DISP2: variants seen among roughly 807,000 people sequenced by gnomAD.
DISP2 encodes dispatched RND transporter family member 2.
Under a neutral mutation model 95.5 loss-of-function variants are expected in DISP2, and 59 were observed. The observed-to-expected ratio is 0.62, with a 90% CI of 0.50 to 0.77. The LOEUF is 0.77. Ranked by LOEUF, DISP2 falls within the 30% of genes least tolerant of loss-of-function variation. The probability of loss-of-function intolerance (pLI) is 0.00; values close to 1 mark genes in which losing one functional copy is unlikely to be tolerated. For synonymous variants in DISP2, 827 were observed against 815.0 expected (o/e 1.01, Z -0.25); for missense variants, 1,752 against 1,854.6 (o/e 0.94, Z 1.02).
Position 40,367,195 on chromosome 15 carries a change from A to T in DISP2, c.1083A>T (p.Ala361=), listed in dbSNP as rs772798090. ...GCCTGGACACTACCCAAGCTGACGCAGCCCGCACACTGGCCCTGCTTCGGA... is the reference window on the plus strand; with the variant it reads ...GCCTGGACACTACCCAAGCTGACGCTGCCCGCACACTGGCCCTGCTTCGGA... ...SSCLDTTQAD[A]ARTLALLRTC... is the part of the protein sequence containing the mutation. Residue 361 remains alanine (A), a synonymous_variant, in exon 8 of 8, where the codon GCA becomes GCT. Coordinates refer to ENST00000267889, the MANE Select transcript of DISP2 (RefSeq NM_033510.3). 1.2e-6 allele frequency: 2 copies of T among 1,614,052 alleles called. No homozygotes were observed.
chr15:40,366,442 T>C (rs1438101257), intron 7 of DISP2, among the ~76,000 whole-genome samples: 1 of 152,228 alleles, frequency 6.6e-6, no homozygotes, highest in Non-Finnish European at 1.5e-5. Context: ...CAATAAGTAC[T>C]GTGTTGCCAC....
chr15:40,371,563 G>A lies in DISP2; in HGVS notation c.*1245G>A, dbSNP rs1192573710. 6.6e-6 allele frequency: 1 copy of A among 152,248 alleles called. No individual in the cohort carries two copies. Among genetic ancestry groups the A allele is most frequent in the African/African-American group, 2.4e-5 (1 of 41,442 alleles). The allele number at this position is 152,248 out of a possible 1,614,324, so 9.4% of individuals were successfully genotyped here. ...GTGAAGCCAAATCCAATCAAGGCAG[G>A]AACTCAGACCTGCCCTTTGGGAAGT... is the stretch of plus-strand genomic sequence containing the variant. On this transcript the variant is annotated 3_prime_UTR_variant, in exon 8 of 8. Transcript: ENST00000267889.
rs1406335796 is a variant in DISP2, at chr15:40,374,724, C to G, written c.*4406C>G. ...TCCCAGGTTCACGCCATTCTCCTGC[C>G]CCAGCCTCCCGAGCAGTTGGGACTA... On this transcript the variant is annotated 3_prime_UTR_variant, in exon 8 of 8. Coordinates refer to ENST00000267889, the MANE Select transcript of DISP2 (RefSeq NM_033510.3). 1 of 151,738 alleles carries G rather than the reference C, an allele frequency of 6.6e-6. No individual in the cohort carries two copies. Among genetic ancestry groups the G allele is most frequent in the Non-Finnish European group, 1.5e-5 (1 of 68,072 alleles). 9.4% of individuals were successfully genotyped at this position (151,738 alleles called of 1,614,324 possible). A position where few individuals can be genotyped will look rare whatever the true frequency, so the allele number is the denominator to read the frequency against.
At chr15:40,364,153 C>T in intron 2 of DISP2, 73 bp from the exon 3 acceptor site, 1 of 1,606,790 alleles carries the variant, frequency 6.2e-7, no homozygotes, top group South Asian at 1.1e-5. Context: ...CACTCCCACC[C>T]CACCTCCACC....
chr15:40,365,563 C>T (rs1398800323), intron 6 of DISP2, 65 bp from the exon 7 acceptor site: 52 of 1,565,798 alleles, frequency 3.3e-5, no homozygotes, highest in Admixed American at 5.0e-5. Context: ...TAAGCATCTT[C>T]CCTTTGGAGG....
At position 40,373,007 on chromosome 15, in the gene DISP2, T is replaced by C. The variant is rs1889670194; in HGVS notation, c.*2689T>C. On this transcript the variant is annotated 3_prime_UTR_variant, in exon 8 of 8. Coordinates refer to ENST00000267889, the MANE Select transcript of DISP2 (RefSeq NM_033510.3). ...CAGGCCCAGAAGAACCCAGCAGTAATCTAAAACATTACCTTATACCTAGAA... is the reference window on the plus strand; with the variant it reads ...CAGGCCCAGAAGAACCCAGCAGTAACCTAAAACATTACCTTATACCTAGAA... 1 of 152,158 alleles carries C rather than the reference T, an allele frequency of 6.6e-6. No homozygotes were observed. Among genetic ancestry groups the C allele is most frequent in the African/African-American group, 2.4e-5 (1 of 41,408 alleles). The allele number at this position is 152,158 out of a possible 1,614,324, so 9.4% of individuals were successfully genotyped here. A position where few individuals can be genotyped will look rare whatever the true frequency, so the allele number is the denominator to read the frequency against.
In DISP2 at chr15:40,363,734, T is replaced by C; in HGVS notation, c.229T>C (p.Ser77Pro). The C allele has an allele frequency of 6.2e-7, 1 of 1,613,450 alleles. No individual in the cohort carries two copies. Among genetic ancestry groups the C allele is most frequent in the Non-Finnish European group, 8.5e-7 (1 of 1,179,706 alleles). ...CTCTTCAGGACCCCCACCAACAACT[T>C]CCACCCTCCAGCCTGTGGGTCCATC... is the stretch of plus-strand genomic sequence containing the variant. Reference protein sequence around the residue: ...SSSSGPPPTTSTLQPVGPSSP... With the variant: ...SSSSGPPPTTPTLQPVGPSSP... The change falls in exon 2 of 8, where the codon TCC becomes CCC. Residue 77 changes from serine (S) to proline (P), a missense_variant. Coordinates refer to ENST00000267889, the MANE Select transcript of DISP2 (RefSeq NM_033510.3).
intron 1 of DISP2, among the ~76,000 whole-genome samples, chr15:40,360,831 C>G (rs1378838750): frequency 6.6e-6 from 1 of 152,168 alleles, no homozygotes; most frequent in African/African-American, 2.4e-5. Flanking sequence ...CCAGGCTGCC[C>G]CACTCTCCTG....
chr15:40,366,972 G>C, intron 7 of DISP2, 86 bp from the exon 8 acceptor site: 1 of 1,517,208 alleles, frequency 6.6e-7, no homozygotes, highest in Non-Finnish European at 8.9e-7. Flanking sequence ...TAGTGTGAAA[G>C]GAGATGAGAG....
Position 40,358,438 on chromosome 15 carries a change from C to T in DISP2, c.117C>T (p.Asp39=). 2.3e-6 allele frequency: 3 copies of T among 1,314,626 alleles called. No individual in the cohort carries two copies. Among genetic ancestry groups the T allele is most frequent in the East Asian group, 3.1e-5 (1 of 32,124 alleles). The allele number at this position is 1,314,626 out of a possible 1,614,324, so 81.4% of individuals were successfully genotyped here. A position where few individuals can be genotyped will look rare whatever the true frequency, so the allele number is the denominator to read the frequency against. Residue 39 remains aspartate, a splice_region_variant and synonymous_variant, in exon 1 of 8, where the codon GAC becomes GAT. Coordinates refer to ENST00000267889, the MANE Select transcript of DISP2 (RefSeq NM_033510.3). ...TGGCCCCAGACGGCGGCTCCCCGGA[C>T]AGGTAGGGCGGACAGCTCCGCAGAT... ...EPLAPDGGSP[D]STQTKAVPPE...
rs1889745444 is a variant in DISP2 at position 40,377,384 on chromosome 15, A to G, written c.*7066A>G. ...CCCTTTCCAGCCAAGATGGAGGAGC[A>G]GGGGCCAAGTTTATCCTCCTGCCTG... On this transcript the variant is annotated 3_prime_UTR_variant, in exon 8 of 8. Transcript: ENST00000267889. The G allele has an allele frequency of 6.6e-6, 1 of 152,224 alleles. No individual in the cohort carries two copies. The highest frequency in any genetic ancestry group is 1.5e-5 in the Non-Finnish European group (1 of 68,042). The allele number at this position is 152,224 out of a possible 1,614,324, so 9.4% of individuals were successfully genotyped here. A position where few individuals can be genotyped will look rare whatever the true frequency, so the allele number is the denominator to read the frequency against.
In DISP2 at chr15:40,369,429, T is replaced by A; in HGVS notation, c.3317T>A (p.Phe1106Tyr). ...KCVSCGFASFFFQSLCCFFGP... is the reference protein window; with the variant it reads ...KCVSCGFASFYFQSLCCFFGP... ...GTCAGTTGTGGCTTTGCCAGCTTCTTCTTCCAATCTCTCTGCTGTTTCTTC... is the reference window on the plus strand; with the variant it reads ...GTCAGTTGTGGCTTTGCCAGCTTCTACTTCCAATCTCTCTGCTGTTTCTTC... Residue 1106 changes from phenylalanine (F) to tyrosine (Y), a missense_variant, in exon 8 of 8, where the codon TTC becomes TAC. Phe to Tyr is a conservative substitution (Grantham distance 22). This residue lies in a region of DISP2 where 317 missense variants were observed against 394.9 expected (regional missense o/e 0.80). Transcript: ENST00000267889. 1.2e-6 allele frequency: 2 copies of A among 1,613,550 alleles called. No individual in the cohort carries two copies. Among genetic ancestry groups the A allele is most frequent in the Non-Finnish European group, 1.7e-6 (2 of 1,180,026 alleles).
Position 40,369,695 on chromosome 15 carries a change from G to T in DISP2, c.3583G>T (p.Asp1195Tyr). The change falls in exon 8 of 8, where the codon GAT becomes TAT. Residue 1195 changes from aspartate to tyrosine, a missense_variant. This residue lies in a region of DISP2 where 347 missense variants were observed against 344.2 expected (regional missense o/e 1.01). Transcript: ENST00000267889. The stretch of plus-strand genomic sequence containing the variant: ...CCACCGGCCCTCAGTACTCTCTGAG[G>T]ATCTGCAGCTCCATGATGGTCCGTG... The part of the protein sequence containing the change: ...LSHRPSVLSE[D>Y]LQLHDGPCCS... The T allele has an allele frequency of 6.2e-7, 1 of 1,611,912 alleles. No individual in the cohort carries two copies. Among genetic ancestry groups the T allele is most frequent in the Non-Finnish European group, 8.5e-7 (1 of 1,180,002 alleles).
rs757768095 is a variant in DISP2 at position 40,365,774 on chromosome 15, G to A, written c.945+49G>A. On this transcript the variant is annotated intron_variant, in intron 7 of 7. Coordinates refer to ENST00000267889, the MANE Select transcript of DISP2 (RefSeq NM_033510.3). ...GGGGTTTGGGGGGAACTAAGGACAT[G>A]AGGGAACTGATCCCAAGGAAATACA... 6 of 1,572,528 alleles carry A rather than the reference G, an allele frequency of 3.8e-6. No individual in the cohort carries two copies. The Admixed American group carries it at 6.7e-5, about 18-fold the overall frequency.
chr15:40,367,562 T>A lies in DISP2; in HGVS notation c.1450T>A (p.Phe484Ile). 2 of 1,613,906 alleles carry A rather than the reference T, an allele frequency of 1.2e-6. No individual in the cohort carries two copies. Among genetic ancestry groups the A allele is most frequent in the Non-Finnish European group, 1.7e-6 (2 of 1,179,994 alleles). ...LGLKQELLRH[F>I]LVQDTVYPLL... ...CCTCAAGCAGGAGCTGCTGAGGCAC[T>A]TCCTGGTCCAGGACACGGTGTACCC... Residue 484 changes from phenylalanine (F) to isoleucine (I), a missense_variant, in exon 8 of 8, where the codon TTC (phenylalanine) becomes ATC (isoleucine). Phe to Ile is a conservative substitution (Grantham distance 21). Around this residue, in one of 5 missense-constraint regions of DISP2, gnomAD observed 732 missense variants for 714.6 expected, o/e 1.02. Transcript: ENST00000267889.
intron 5 of DISP2, 55 bp from the exon 6 acceptor site, chr15:40,365,092 C>T (rs1889474509): frequency 1.9e-6 from 3 of 1,598,832 alleles, no homozygotes; most frequent in Non-Finnish European, 1.7e-6. Flanking sequence ...TCTCTGGCCT[C>T]CTCTGAGTCT....
At chr15:40,366,646 G>A (rs1457099233) in intron 7 of DISP2, among the ~76,000 whole-genome samples, 1 of 152,238 alleles carries the variant, frequency 6.6e-6, no homozygotes, top group African/African-American at 2.4e-5. Context: ...GGACAGAGGG[G>A]AGCTGGGTTT....
Position 40,368,071 on chromosome 15 carries a change from G to C in DISP2, c.1959G>C (p.Ala653=). 1.4e-6 allele frequency: 2 copies of C among 1,439,708 alleles called. No individual in the cohort carries two copies. The highest frequency in any genetic ancestry group is 9.0e-7 in the Non-Finnish European group (1 of 1,105,126). The allele number at this position is 1,439,708 out of a possible 1,614,324, so 89.2% of individuals were successfully genotyped here. The stretch of plus-strand genomic sequence containing the variant: ...AGCGCTACCTGGCGCGCGGCTGTGC[G>C]CGCCGGGCGCGGGGCCGGTGGGAGG... ...LHERYLARGC[A]RRARGRWEGS... is the part of the protein sequence containing the mutation. The change falls in exon 8 of 8, where the codon GCG becomes GCC. Residue 653 remains alanine, a synonymous_variant. Coordinates refer to ENST00000267889, the MANE Select transcript of DISP2 (RefSeq NM_033510.3).
Position 40,376,355 on chromosome 15 carries a change from C to T in DISP2, c.*6037C>T, listed in dbSNP as rs1302365508. ...TGGGCATGGGCCGGGCGCGGTGGCT[C>T]ACGCCTGTAATCCCAGCACTCTGGG... On this transcript the variant is annotated 3_prime_UTR_variant, in exon 8 of 8. Coordinates refer to ENST00000267889, the MANE Select transcript of DISP2 (RefSeq NM_033510.3). 2 of 151,968 alleles carry T rather than the reference C, an allele frequency of 1.3e-5. No homozygotes were observed. Among genetic ancestry groups the T allele is most frequent in the Non-Finnish European group, 2.9e-5 (2 of 68,048 alleles). 9.4% of individuals were successfully genotyped at this position (151,968 alleles called of 1,614,324 possible). A position where few individuals can be genotyped will look rare whatever the true frequency, so the allele number is the denominator to read the frequency against.
Sources: gnomAD v4.1 joint callset for allele counts (sites outside exome capture counted in the v4.1 genomes callset) on GRCh38, gnomAD v4.1.1 for gene constraint, gnomAD v4.1.1 regional missense constraint, MANE v1.5 for transcripts, NCBI Gene and HGNC (gene_info 2026-07-23, HGNC 2026-07-21) for gene names.